HYOU1: variants seen among roughly 807,000 people sequenced by gnomAD.
The protein encoded by HYOU1 is hypoxia up-regulated 1.
HYOU1 carries 40 observed loss-of-function variants against 120.5 expected under a neutral mutation model. The ratio of observed to expected loss-of-function variants is 0.33; its 90% CI spans 0.26 to 0.43. The LOEUF is 0.43. Ranked by LOEUF, HYOU1 falls within the 20% of genes least tolerant of loss-of-function variation. The pLI is 1.00. For missense variants in HYOU1, 1,085 were observed against 1,278.3 expected (o/e 0.85, Z 2.31); for synonymous variants, 501 against 479.4 (o/e 1.05, Z -0.59).
chr11:119,051,693 A>G lies in HYOU1; in HGVS notation c.1339-68T>C. 2 of 1,510,078 alleles carry G rather than the reference A, an allele frequency of 1.3e-6. No homozygotes were observed. Among genetic ancestry groups the G allele is most frequent in the Non-Finnish European group, 1.8e-6 (2 of 1,088,788 alleles). The allele number at this position is 1,510,078 out of a possible 1,614,324, so 93.5% of individuals were successfully genotyped here. ...AACCCGAGTAGGTTCTGGGGTAAGG[A>G]TGGGGGTGGGATGGGGGAGACCTCT... On this transcript the variant is annotated intron_variant, in intron 12 of 25. Transcript: ENST00000617285. This position sits in a 1 kb window ranked among gnomAD's most constrained non-coding sequence, Gnocchi z 4.2.
In HYOU1 at chr11:119,048,018, C is replaced by T. The variant is rs1447132675; in HGVS notation, c.2439G>A (p.Glu813=). 2 of 1,614,064 alleles carry T rather than the reference C, an allele frequency of 1.2e-6. No homozygotes were observed. Residue 813 remains glutamate (E), a synonymous_variant, in exon 21 of 26, where the codon GAG becomes GAA. Coordinates refer to ENST00000617285, the MANE Select transcript of HYOU1 (RefSeq NM_006389.5). The surrounding 1 kb of genome is among the most constrained non-coding windows in gnomAD (Gnocchi z 4.7). ...KLCQGLFFRV[E]ERKKWPERLS... is the part of the protein sequence containing the mutation. Reference sequence around the variant, plus strand: ...GCCGTTCGGGCCACTTCTTGCGCTCCTCTACCCGAAAAAACAGCCCTTGGC... The same window carrying T: ...GCCGTTCGGGCCACTTCTTGCGCTCTTCTACCCGAAAAAACAGCCCTTGGC...
rs1260176628 is a variant in HYOU1, at chr11:119,052,936, C to A, written c.795-107G>T. The A allele has an allele frequency of 2.0e-5, 21 of 1,028,190 alleles. No homozygotes were observed. Among genetic ancestry groups the A allele is most frequent in the East Asian group, 5.2e-5 (2 of 38,302 alleles). The allele number at this position is 1,028,190 out of a possible 1,614,324, so 63.7% of individuals were successfully genotyped here. ...GGCACCTTTCCTTCATCTCAGGGGA[C>A]CTTGTTCATCTCCAGTGCCCCATGT... On this transcript the variant is annotated intron_variant, in intron 8 of 25. Transcript: ENST00000617285. This position sits in a 1 kb window ranked among gnomAD's most constrained non-coding sequence, Gnocchi z 5.0.
chr11:119,056,062 G>A lies in HYOU1; in HGVS notation c.91+8C>T. The A allele has an allele frequency of 6.2e-7, 1 of 1,610,838 alleles. No homozygotes were observed. The highest frequency in any genetic ancestry group is 1.7e-5 in the Admixed American group (1 of 60,020). On this transcript the variant is annotated splice_region_variant and intron_variant, in intron 2 of 25. Coordinates refer to ENST00000617285, the MANE Select transcript of HYOU1 (RefSeq NM_006389.5). ...TTATCCATTTGCTCCCTCTACTGGG[G>A]TACATACCACTCAGTGCCAACAGGT...
chr11:119,055,194 T>G lies in HYOU1; in HGVS notation c.410A>C (p.Gln137Pro). 6.2e-7 allele frequency: 1 copy of G among 1,613,576 alleles called. No individual in the cohort carries two copies. The highest frequency in any genetic ancestry group is 8.5e-7 in the Non-Finnish European group (1 of 1,179,580). ...FDPQRQTVHF[Q>P]ISSQLQFSPE... ...CCAACAGAGCACTCACGAGCTGATCTGAAAGTGCACAGTCTGCCTCTGTGG... is the reference window on the plus strand; with the variant it reads ...CCAACAGAGCACTCACGAGCTGATCGGAAAGTGCACAGTCTGCCTCTGTGG... Residue 137 changes from glutamine (Q) to proline (P), a missense_variant, in exon 5 of 26, where the codon CAG (glutamine) becomes CCG (proline). Around this residue, in one of 4 missense-constraint regions of HYOU1, gnomAD observed 515 missense variants for 677.8 expected, o/e 0.76. Coordinates refer to ENST00000617285, the MANE Select transcript of HYOU1 (RefSeq NM_006389.5). This position sits in a 1 kb window ranked among gnomAD's most constrained non-coding sequence, Gnocchi z 4.0.
chr11:119,052,548 T>G lies in HYOU1; in HGVS notation c.987+89A>C. The G allele has an allele frequency of 6.4e-7, 1 of 1,573,624 alleles. No individual in the cohort carries two copies. Among genetic ancestry groups the G allele is most frequent in the Non-Finnish European group, 8.7e-7 (1 of 1,154,630 alleles). ...ATGGTAGCGGGAGGAGCATGGGCCA[T>G]GCCAGGCACGAGCAGCCCAGTTCAG... On this transcript the variant is annotated intron_variant, in intron 9 of 25. Transcript: ENST00000617285. This position sits in a 1 kb window ranked among gnomAD's most constrained non-coding sequence, Gnocchi z 5.0.
At chr11:119,053,007 C>T (rs1384471072) in intron 8 of HYOU1, 178 bp from the exon 9 acceptor site, 1 of 582,114 alleles carries the variant, frequency 1.7e-6, no homozygotes, top group East Asian at 2.9e-5. Flanking sequence ...CAGCTGACAC[C>T]TCGCAGTGAC....
At chr11:119,054,848 C>A in intron 6 of HYOU1, 136 bp downstream of exon 6, 1 of 1,066,340 alleles carries the variant, frequency 9.4e-7, no homozygotes, top group Non-Finnish European at 1.4e-6. Context: ...GCAGGTGCAC[C>A]CCTCAGATGT....
Position 119,051,368 on chromosome 11 carries a change from A to C in HYOU1, c.1526+70T>G, listed in dbSNP as rs1944426064. 3 of 1,545,892 alleles carry C rather than the reference A, an allele frequency of 1.9e-6. No individual in the cohort carries two copies. The highest frequency in any genetic ancestry group is 1.8e-6 in the Non-Finnish European group (2 of 1,127,624). ...CAGGCCCACATCCTCCCTCACCCCC[A>C]GTCCTCAGATTATCCAGCAGCCACG... On this transcript the variant is annotated intron_variant, in intron 13 of 25. Transcript: ENST00000617285. The surrounding 1 kb of genome is among the most constrained non-coding windows in gnomAD (Gnocchi z 4.2).
In HYOU1 at chr11:119,045,550, G is replaced by C; in HGVS notation, c.*43C>G. ...TCGATGTTAAATAAATAGAAGTGGT[G>C]GGGGAAGGGGGTGGAGATGAATGGG... is the stretch of plus-strand genomic sequence containing the variant. On this transcript the variant is annotated 3_prime_UTR_variant, in exon 26 of 26. Transcript: ENST00000617285. 2.0e-6 allele frequency: 3 copies of C among 1,505,192 alleles called. No individual in the cohort carries two copies. In the Admixed American group the frequency reaches 5.0e-5, roughly 25 times the overall value. The allele number at this position is 1,505,192 out of a possible 1,614,324, so 93.2% of individuals were successfully genotyped here. A position where few individuals can be genotyped will look rare whatever the true frequency, so the allele number is the denominator to read the frequency against.
Position 119,047,754 on chromosome 11 carries a change from T to C in HYOU1, c.2575A>G (p.Lys859Glu), listed in dbSNP as rs2133557996. ...FTEVEMTTLE[K>E]VINETWAWKN... ...ATTACCCAGGTCTCATTGATGACTTTCTCTAACGTTGTCATCTCCACCTCA... is the reference window on the plus strand; with the variant it reads ...ATTACCCAGGTCTCATTGATGACTTCCTCTAACGTTGTCATCTCCACCTCA... The change falls in exon 22 of 26, where the codon AAA becomes GAA. Residue 859 changes from lysine (K) to glutamate (E), a missense_variant. Transcript: ENST00000617285. 3 of 1,613,796 alleles carry C rather than the reference T, an allele frequency of 1.9e-6. No homozygotes were observed. The highest frequency in any genetic ancestry group is 2.7e-5 in the African/African-American group (2 of 74,926).
chr11:119,050,213 A>G (rs1944340504), intron 14 of HYOU1, among the ~76,000 whole-genome samples: 1 of 152,178 alleles, frequency 6.6e-6, no homozygotes, highest in South Asian at 2.1e-4. Flanking sequence ...GGGGTTTGAG[A>G]CCAGACTGGC....
rs1944537263 is a variant in HYOU1, at chr11:119,052,993, A to G, written c.795-164T>C. 1 of 624,534 alleles carries G rather than the reference A, an allele frequency of 1.6e-6. No individual in the cohort carries two copies. Among genetic ancestry groups the G allele is most frequent in the African/African-American group, 1.8e-5 (1 of 54,142 alleles). 38.7% of individuals were successfully genotyped at this position (624,534 alleles called of 1,614,324 possible). On this transcript the variant is annotated intron_variant, in intron 8 of 25. Coordinates refer to ENST00000617285, the MANE Select transcript of HYOU1 (RefSeq NM_006389.5). The surrounding 1 kb of genome is among the most constrained non-coding windows in gnomAD (Gnocchi z 5.0). ...ACACACTCTGCCCTCAACTCTCTACAGCACAGCTGACACCTCGCAGTGACC... is the reference window on the plus strand; with the variant it reads ...ACACACTCTGCCCTCAACTCTCTACGGCACAGCTGACACCTCGCAGTGACC...
intron 7 of HYOU1, 96 bp from the exon 8 acceptor site, chr11:119,054,332 T>A: frequency 8.1e-7 from 1 of 1,237,622 alleles, no homozygotes; most frequent in Non-Finnish European, 1.2e-6. Flanking sequence ...GTCTGACTCT[T>A]AACACAAAAC....
In HYOU1 at chr11:119,045,146, A is replaced by G; in HGVS notation, c.*447T>C. The G allele has an allele frequency of 2.2e-6, 1 of 457,606 alleles. No homozygotes were observed. The highest frequency in any genetic ancestry group is 3.2e-4 in the Middle Eastern group (1 of 3,082). The allele number at this position is 457,606 out of a possible 1,614,324, so 28.3% of individuals were successfully genotyped here. A position where few individuals can be genotyped will look rare whatever the true frequency, so the allele number is the denominator to read the frequency against. Reference sequence around the variant, plus strand: ...CCAAACCTGGTAACTGAGGCTCTGCAGACACTGGCCTGAAAGGATGCTCAT... The same window carrying G: ...CCAAACCTGGTAACTGAGGCTCTGCGGACACTGGCCTGAAAGGATGCTCAT... On this transcript the variant is annotated 3_prime_UTR_variant, in exon 26 of 26. Coordinates refer to ENST00000617285, the MANE Select transcript of HYOU1 (RefSeq NM_006389.5).
At chr11:119,049,339 T>G in intron 16 of HYOU1, 136 bp from the exon 17 acceptor site, 1 of 1,554,784 alleles carries the variant, frequency 6.4e-7, no homozygotes, top group Non-Finnish European at 8.7e-7. Context: ...CTGCTTGGAC[T>G]GTGGCAATCT....
rs1363641405 is a variant in HYOU1 at position 119,055,893 on chromosome 11, T to C, written c.92-50A>G. The stretch of plus-strand genomic sequence containing the variant: ...TTAGCTCTCCCTTCGCCCACCTTCC[T>C]GGGACTCCCTCTAATCAAAGCATAC... On this transcript the variant is annotated intron_variant, in intron 2 of 25. Coordinates refer to ENST00000617285, the MANE Select transcript of HYOU1 (RefSeq NM_006389.5). This position sits in a 1 kb window ranked among gnomAD's most constrained non-coding sequence, Gnocchi z 4.0. 3 of 1,507,586 alleles carry C rather than the reference T, an allele frequency of 2.0e-6. No homozygotes were observed. Among genetic ancestry groups the C allele is most frequent in the Non-Finnish European group, 2.8e-6 (3 of 1,082,988 alleles). 93.4% of individuals were successfully genotyped at this position (1,507,586 alleles called of 1,614,324 possible). A position where few individuals can be genotyped will look rare whatever the true frequency, so the allele number is the denominator to read the frequency against.
In HYOU1 at chr11:119,055,695, C is replaced by T; in HGVS notation, c.185+55G>A. ...GTGGGCACTATGACTAACACATTCA[C>T]ACTTGGAGCCCAGACTCCCTCGTTC... On this transcript the variant is annotated intron_variant, in intron 3 of 25. Transcript: ENST00000617285. The surrounding 1 kb of genome is among the most constrained non-coding windows in gnomAD (Gnocchi z 4.0). 1 of 1,533,498 alleles carries T rather than the reference C, an allele frequency of 6.5e-7. No homozygotes were observed. Among genetic ancestry groups the T allele is most frequent in the South Asian group, 1.1e-5 (1 of 89,462 alleles). 95.0% of individuals were successfully genotyped at this position (1,533,498 alleles called of 1,614,324 possible).
chr11:119,046,305 G>A lies in HYOU1; in HGVS notation c.2887+112C>T, dbSNP rs2133549068. ...TTTTTTTAAACAACCCTTTAAAAAC[G>A]CAAAGGCCATTCAAGCTCATGGGCT... On this transcript the variant is annotated intron_variant, in intron 24 of 25. Transcript: ENST00000617285. 535 of 632,090 alleles carry A rather than the reference G, an allele frequency of 8.5e-4. 1 individual carries two copies. Among genetic ancestry groups the A allele is most frequent in the Non-Finnish European group, 1.2e-3 (460 of 387,512 alleles). The allele number at this position is 632,090 out of a possible 1,614,324, so 39.2% of individuals were successfully genotyped here. A position where few individuals can be genotyped will look rare whatever the true frequency, so the allele number is the denominator to read the frequency against.
Position 119,049,928 on chromosome 11 carries a change from T to C in HYOU1, c.1666-91A>G, listed in dbSNP as rs2133576601. ...AAAGTGGGTGTTTGCTTATGCACAC[T>C]CCATGCCGTCACAGGCCTAGTCTCT... On this transcript the variant is annotated intron_variant, in intron 14 of 25. Transcript: ENST00000617285. The C allele has an allele frequency of 2.7e-6, 3 of 1,128,878 alleles. No individual in the cohort carries two copies. The African/African-American group carries it at 4.6e-5, about 17-fold the overall frequency. The allele number at this position is 1,128,878 out of a possible 1,614,324, so 69.9% of individuals were successfully genotyped here.
Sources: gnomAD v4.1 joint callset for allele counts (sites outside exome capture counted in the v4.1 genomes callset) on GRCh38, gnomAD v4.1.1 for gene constraint, gnomAD v4.1.1 regional missense constraint, Gnocchi (gnomAD v3.1) non-coding constraint, MANE v1.5 for transcripts, NCBI Gene and HGNC (gene_info 2026-07-23, HGNC 2026-07-21) for gene names.